Variants in RBFOX1 observed in about 807,000 individuals in gnomAD.
The protein encoded by RBFOX1 is RNA binding protein fox-1 homolog 1.
In RBFOX1, 8 loss-of-function variants were observed where a neutral mutation model predicts 57.7. The observed-to-expected ratio is 0.14, with a 90% CI of 0.08 to 0.25. RBFOX1 has a LOEUF of 0.25. Ranked by LOEUF, RBFOX1 falls within the 10% of genes least tolerant of loss-of-function variation. The pLI, the probability that RBFOX1 is intolerant of heterozygous loss-of-function variation, is 1.00. For synonymous variants in RBFOX1, 326 were observed against 222.4 expected (o/e 1.47, Z -4.15); for missense variants, 611 against 548.5 (o/e 1.11, Z -1.14).
At chr16:5,420,096 G>C (rs1373009250) in intron 1 of RBFOX1, among the ~76,000 whole-genome samples, 1 of 152,200 alleles carries the variant, frequency 6.6e-6, no homozygotes, top group Non-Finnish European at 1.5e-5. Context: ...GCTGTTTCAA[G>C]CTGCCAGGTC....
At chr16:5,752,103 G>A (rs1463553380) in intron 3 of RBFOX1, among the ~76,000 whole-genome samples, 4 of 152,168 alleles carry the variant, frequency 2.6e-5, no homozygotes, top group Middle Eastern at 3.2e-3. Context: ...AAAAAAGAAC[G>A]AGATCATGTC....
intron 5 of RBFOX1, among the ~76,000 whole-genome samples, chr16:7,562,744 G>A (rs1465156645): frequency 6.6e-6 from 1 of 152,328 alleles, no homozygotes; most frequent in Middle Eastern, 3.4e-3. Flanking sequence ...GGGGAAGGAG[G>A]AGGAAGGTCC....
At chr16:6,578,323 T>C (rs537556326) in intron 2 of RBFOX1, among the ~76,000 whole-genome samples, 7 of 152,208 alleles carry the variant, frequency 4.6e-5, no homozygotes, top group Admixed American at 4.6e-4. Context: ...AACAGGGTAG[T>C]GGGAAGTTAG....
At chr16:6,871,351 A>G (rs1358569065) in intron 3 of RBFOX1, among the ~76,000 whole-genome samples, 1 of 151,918 alleles carries the variant, frequency 6.6e-6, no homozygotes, top group Admixed American at 6.6e-5. Flanking sequence ...ACGCCTGGCT[A>G]ATTTTTGTAT....
chr16:7,353,557 C>G (rs779302210), intron 4 of RBFOX1, among the ~76,000 whole-genome samples: 1 of 152,154 alleles, frequency 6.6e-6, no homozygotes, highest in Middle Eastern at 3.4e-3. Flanking sequence ...TGGAAACAGG[C>G]TAAATGTTCA....
chr16:6,065,229 C>A lies in RBFOX1; in HGVS notation c.-127+45237C>A, dbSNP rs553312881. 5.6e-5 allele frequency among the ~76,000 whole-genome samples: 8 copies of A among 141,746 alleles called. No individual in the cohort carries two copies. In the South Asian group the frequency reaches 1.8e-3, roughly 32 times the overall value. The allele number at this position is 141,746 out of a possible 152,430, so 93.0% of individuals were successfully genotyped here. On this transcript the variant is annotated intron_variant, in intron 1 of 15. Coordinates refer to ENST00000550418, the MANE Select transcript of RBFOX1 (RefSeq NM_018723.4). ...TTTTTTTTTTCTGTAGAGACAGGATCTTGCTGTGTTGCCACGGCTGGTCTC... is the reference window on the plus strand; with the variant it reads ...TTTTTTTTTTCTGTAGAGACAGGATATTGCTGTGTTGCCACGGCTGGTCTC...
chr16:5,379,993 C>T (rs974764193), intron 1 of RBFOX1, among the ~76,000 whole-genome samples: 3 of 152,194 alleles, frequency 2.0e-5, no homozygotes, highest in Non-Finnish European at 4.4e-5. Context: ...AACCTGGGAG[C>T]CTGGGCACAG....
At chr16:7,096,931 C>CAAAAAAAAAAAAAAAAAAA (rs59519427) in intron 4 of RBFOX1, among the ~76,000 whole-genome samples, 1 of 69,114 alleles carries the variant, frequency 1.4e-5, no homozygotes, top group Non-Finnish European at 2.6e-5. Flanking sequence ...GACTCCATCT[C>CAAAAAAAAAAAAAAAAAAA]AAAAAAAAAA....
At chr16:7,311,066 C>G (rs1234610706) in intron 4 of RBFOX1, among the ~76,000 whole-genome samples, 2 of 152,154 alleles carry the variant, frequency 1.3e-5, no homozygotes, top group African/African-American at 2.4e-5. Flanking sequence ...GAGTTAAGTT[C>G]TTTGTGATGC....
chr16:6,598,673 C>T (rs926805728), intron 2 of RBFOX1, among the ~76,000 whole-genome samples: 3 of 152,150 alleles, frequency 2.0e-5, no homozygotes, highest in African/African-American at 4.8e-5. Flanking sequence ...GCTGGCTGGG[C>T]GTGGTGGCTC....
intron 2 of RBFOX1, among the ~76,000 whole-genome samples, chr16:6,576,228 A>G (rs2097433645): frequency 1.3e-5 from 2 of 152,146 alleles, no homozygotes; most frequent in African/African-American, 4.8e-5. Context: ...CTGTCGTAGC[A>G]TCTCAGGGCA....
intron 4 of RBFOX1, among the ~76,000 whole-genome samples, chr16:7,340,792 A>G (rs1458309940): frequency 1.3e-5 from 2 of 152,172 alleles, no homozygotes; most frequent in Admixed American, 1.3e-4. Flanking sequence ...ATATAAATTC[A>G]CTTTTTTAAA....
chr16:5,856,194 T>TAC (rs2057035149), intron 3 of RBFOX1, among the ~76,000 whole-genome samples: 1 of 61,846 alleles, frequency 1.6e-5, no homozygotes, highest in African/African-American at 5.0e-5. Context: ...TCTCTATATA[T>TAC]ATATATATAT....
intron 3 of RBFOX1, among the ~76,000 whole-genome samples, chr16:6,813,677 C>T (rs780664249): frequency 5.9e-5 from 9 of 152,134 alleles, no homozygotes; most frequent in African/African-American, 9.7e-5. Context: ...ATTTCTTTAT[C>T]ACCTTTCCAA....
At chr16:5,593,720 C>A (rs906890716) in intron 2 of RBFOX1, among the ~76,000 whole-genome samples, 2 of 152,166 alleles carry the variant, frequency 1.3e-5, no homozygotes, top group African/African-American at 4.8e-5. Context: ...CAAGAAATAA[C>A]CATAAAAATG....
intron 4 of RBFOX1, among the ~76,000 whole-genome samples, chr16:5,970,755 T>C (rs2059946108): frequency 6.6e-6 from 1 of 152,170 alleles, no homozygotes; most frequent in South Asian, 2.1e-4. Flanking sequence ...GGCACTGACA[T>C]CAAAATCATG....
intron 3 of RBFOX1, among the ~76,000 whole-genome samples, chr16:7,006,242 C>T (rs1373917701): frequency 6.6e-6 from 1 of 152,056 alleles, no homozygotes; most frequent in Admixed American, 6.6e-5. Flanking sequence ...GCATCCTCTG[C>T]CTCCGAGGTC....
chr16:5,391,611 C>A (rs747437132), intron 1 of RBFOX1, among the ~76,000 whole-genome samples: 1 of 152,082 alleles, frequency 6.6e-6, no homozygotes, highest in Non-Finnish European at 1.5e-5. Flanking sequence ...CTCCAGAGTT[C>A]GTTCCTCCTG....
intron 3 of RBFOX1, among the ~76,000 whole-genome samples, chr16:6,877,820 G>C (rs1219519832): frequency 1.3e-5 from 2 of 152,146 alleles, no homozygotes; most frequent in East Asian, 1.9e-4. Context: ...AGGAGAATAA[G>C]TCATCTAACA....
Sources: gnomAD v4.1 joint callset for allele counts (sites outside exome capture counted in the v4.1 genomes callset) on GRCh38, gnomAD v4.1.1 for gene constraint, MANE v1.5 for transcripts, NCBI Gene and HGNC (gene_info 2026-07-23, HGNC 2026-07-21) for gene names.